Variants in CBFB observed in about 807,000 individuals in gnomAD.
CBFB encodes CBF-beta.
Under a neutral mutation model 30.4 loss-of-function variants are expected in CBFB, and 9 were observed. The observed-to-expected ratio is 0.30, with a 90% CI of 0.18 to 0.52. The LOEUF is 0.52. Ranked by LOEUF, CBFB falls within the 20% of genes least tolerant of loss-of-function variation. The probability of loss-of-function intolerance (pLI) is 0.97; values close to 1 mark genes in which losing one functional copy is unlikely to be tolerated. For synonymous variants in CBFB, 94 were observed against 84.0 expected (o/e 1.12, Z -0.65); for missense variants, 170 against 244.0 (o/e 0.70, Z 2.02).
intron 3 of CBFB, among the ~76,000 whole-genome samples, chr16:67,063,599 G>A (rs764366401): frequency 1.4e-4 from 22 of 152,008 alleles, no homozygotes; most frequent in Admixed American, 9.8e-4. Flanking sequence ...ACACACCCAC[G>A]CCCAGTTAAT....
intron 4 of CBFB, among the ~76,000 whole-genome samples, chr16:67,076,353 T>C (rs1961395331): frequency 1.3e-5 from 2 of 152,132 alleles, no homozygotes; most frequent in Non-Finnish European, 2.9e-5. Context: ...ATGATTGCTC[T>C]ATTGCACTTC....
intron 3 of CBFB, among the ~76,000 whole-genome samples, chr16:67,050,481 T>G (rs901668299): frequency 2.6e-5 from 4 of 151,904 alleles, no homozygotes; most frequent in African/African-American, 9.7e-5. Flanking sequence ...AGTAAGAGAT[T>G]AACAACCTTA....
chr16:67,086,722 C>G (rs1399338356), intron 5 of CBFB, among the ~76,000 whole-genome samples: 2 of 152,014 alleles, frequency 1.3e-5, no homozygotes, highest in African/African-American at 4.8e-5. Flanking sequence ...TAATAAACCC[C>G]AAGTGTGTTG....
At chr16:67,060,019 A>G (rs1247039657) in intron 3 of CBFB, among the ~76,000 whole-genome samples, 1 of 150,996 alleles carries the variant, frequency 6.6e-6, no homozygotes, top group African/African-American at 2.4e-5. Context: ...CTATATCCCA[A>G]TCTGGAGTGC....
Position 67,098,853 on chromosome 16 carries a change from A to G in CBFB, c.*75A>G. On this transcript the variant is annotated 3_prime_UTR_variant, in exon 6 of 6. Coordinates refer to ENST00000412916, the MANE Select transcript of CBFB (RefSeq NM_022845.3). ...CTAGTTGGCAGAAATAATTGATTAAAAGACCAGAAACTGTGATAACTGGAG... is the reference window on the plus strand; with the variant it reads ...CTAGTTGGCAGAAATAATTGATTAAGAGACCAGAAACTGTGATAACTGGAG... The G allele has an allele frequency of 4.5e-6, 4 of 883,720 alleles. No individual in the cohort carries two copies. Among genetic ancestry groups the G allele is most frequent in the Non-Finnish European group, 7.7e-6 (4 of 519,290 alleles). 54.7% of individuals were successfully genotyped at this position (883,720 alleles called of 1,614,324 possible). A position where few individuals can be genotyped will look rare whatever the true frequency, so the allele number is the denominator to read the frequency against.
intron 3 of CBFB, among the ~76,000 whole-genome samples, chr16:67,049,492 G>A (rs1273321212): frequency 6.6e-6 from 1 of 152,076 alleles, no homozygotes; most frequent in East Asian, 1.9e-4. Flanking sequence ...GTGAGCCACC[G>A]CGCCCGGCCC....
intron 2 of CBFB, chr16:67,030,077 C>T (rs1372111417): frequency 4.8e-6 from 2 of 415,260 alleles, no homozygotes; most frequent in East Asian, 4.3e-5. Context: ...CCAGACTAAA[C>T]AAGCGAAGGG....
chr16:67,088,839 A>G (rs767467366), intron 5 of CBFB, among the ~76,000 whole-genome samples: 30 of 152,174 alleles, frequency 2.0e-4, no homozygotes, highest in Non-Finnish European at 3.8e-4. Context: ...CTAAACTTGT[A>G]ACAGTGGTGC....
intron 4 of CBFB, among the ~76,000 whole-genome samples, chr16:67,075,556 G>T (rs1157300758): frequency 6.6e-6 from 1 of 152,120 alleles, no homozygotes; most frequent in East Asian, 1.9e-4. Context: ...GCATATATGT[G>T]TGTGTGTGTG....
At chr16:67,033,819 G>GTTTT (rs573801388) in intron 2 of CBFB, among the ~76,000 whole-genome samples, 12 of 91,706 alleles carry the variant, frequency 1.3e-4, no homozygotes, top group African/African-American at 3.2e-4. Context: ...TTTCACCGTT[G>GTTTT]TTTTTTTTTT....
intron 3 of CBFB, among the ~76,000 whole-genome samples, chr16:67,046,337 G>A (rs912725007): frequency 1.3e-5 from 2 of 152,142 alleles, no homozygotes; most frequent in African/African-American, 2.4e-5. Context: ...CTGGACTCAA[G>A]CAATCCTCTC....
chr16:67,041,207 TG>T (rs761240132), intron 3 of CBFB, among the ~76,000 whole-genome samples: 16 of 152,338 alleles, frequency 1.1e-4, no homozygotes, highest in Admixed American at 5.9e-4. Context: ...CCGAAGTAGC[TG>T]GGAGTAAAGG....
At chr16:67,029,578 C>A in intron 1 of CBFB, 93 bp downstream of exon 1, 2 of 1,374,128 alleles carry the variant, frequency 1.5e-6, no homozygotes, top group Non-Finnish European at 2.0e-6. Flanking sequence ...CCCGGGAGTC[C>A]CGGTCGGTGC....
rs777213321 is a variant in CBFB, at chr16:67,092,698, CTTTTTTTT to C, written c.496-5987_496-5980del. On this transcript the variant is annotated intron_variant, in intron 5 of 5. Transcript: ENST00000412916. Reference sequence around the variant, plus strand: ...CCAGGCTAGGTTACAGTGGTGCAATCTTTTTTTTTTTTTTTTTTTTTTTTTTTTTTTTG... The same window carrying C: ...CCAGGCTAGGTTACAGTGGTGCAATCTTTTTTTTTTTTTTTTTTTTTTTTG... Among the ~76,000 whole-genome samples, 52 of 33,526 alleles carry C rather than the reference CTTTTTTTT, an allele frequency of 1.6e-3. No homozygotes were observed. In the South Asian group the frequency reaches 0.045, roughly 29 times the overall value. 22.0% of individuals were successfully genotyped at this position (33,526 alleles called of 152,430 possible).
intron 3 of CBFB, among the ~76,000 whole-genome samples, chr16:67,041,589 T>C (rs1017304031): frequency 1.3e-5 from 2 of 150,518 alleles, no homozygotes; most frequent in African/African-American, 4.9e-5. Flanking sequence ...GCAACAAGAG[T>C]GAAACTCCAT....
At chr16:67,054,063 G>A (rs1333719394) in intron 3 of CBFB, among the ~76,000 whole-genome samples, 1 of 151,896 alleles carries the variant, frequency 6.6e-6, no homozygotes, top group Non-Finnish European at 1.5e-5. Context: ...TAGACTGATT[G>A]TCCTCTATAT....
intron 3 of CBFB, among the ~76,000 whole-genome samples, chr16:67,050,185 G>GAT (rs896658407): frequency 2.1e-5 from 3 of 145,662 alleles, no homozygotes; most frequent in Non-Finnish European, 3.0e-5. Context: ...AATTATATGT[G>GAT]ATATATATAA....
At chr16:67,083,378 C>G (rs933349340) in intron 5 of CBFB, among the ~76,000 whole-genome samples, 3 of 151,758 alleles carry the variant, frequency 2.0e-5, no homozygotes, top group African/African-American at 7.3e-5. Context: ...TCACTGCAGC[C>G]TCTGCCTCCC....
At chr16:67,082,914 TAAA>T (rs969803618) in intron 5 of CBFB, among the ~76,000 whole-genome samples, 5 of 152,078 alleles carry the variant, frequency 3.3e-5, no homozygotes, top group Non-Finnish European at 7.4e-5. Context: ...TAATAATAAA[TAAA>T]AAAATCTATA....
Sources: gnomAD v4.1 joint callset for allele counts (sites outside exome capture counted in the v4.1 genomes callset) on GRCh38, gnomAD v4.1.1 for gene constraint, MANE v1.5 for transcripts, NCBI Gene and HGNC (gene_info 2026-07-23, HGNC 2026-07-21) for gene names.